RNF152: variants seen among roughly 807,000 people sequenced by gnomAD.
RNF152 encodes E3 ubiquitin-protein ligase RNF152.
Under a neutral mutation model 12.7 loss-of-function variants are expected in RNF152, and 11 were observed. The observed-to-expected ratio is 0.86, with a 90% CI of 0.54 to 1.43. RNF152 has a LOEUF of 1.43. Ranked by LOEUF, RNF152 falls within the 40% of genes most tolerant of loss-of-function variation. The probability of loss-of-function intolerance (pLI) is 0.00; values close to 1 mark genes in which losing one functional copy is unlikely to be tolerated. For missense variants in RNF152, 255 were observed against 274.8 expected (o/e 0.93, Z 0.51); for synonymous variants, 113 against 120.3 (o/e 0.94, Z 0.40).
chr18:61,885,280 C>T (rs1384940937), intron 1 of RNF152, among the ~76,000 whole-genome samples: 1 of 151,254 alleles, frequency 6.6e-6, no homozygotes, highest in Non-Finnish European at 1.5e-5. Flanking sequence ...CTTATCTCAG[C>T]CCTATTCACT....
rs1334577484 is a variant in RNF152, at chr18:61,814,307, A to G, written c.*1545T>C. On this transcript the variant is annotated 3_prime_UTR_variant, in exon 2 of 2. Coordinates refer to ENST00000312828, the MANE Select transcript of RNF152 (RefSeq NM_173557.3). ...AATTAGCCCTGCTTGTCTTTCCTTCACTTCCCCCCACCCTCCTCACCATTT... is the reference window on the plus strand; with the variant it reads ...AATTAGCCCTGCTTGTCTTTCCTTCGCTTCCCCCCACCCTCCTCACCATTT... The G allele has an allele frequency of 6.6e-6, 1 of 152,072 alleles. No individual in the cohort carries two copies. Among genetic ancestry groups the G allele is most frequent in the African/African-American group, 2.4e-5 (1 of 41,400 alleles). The allele number at this position is 152,072 out of a possible 1,614,324, so 9.4% of individuals were successfully genotyped here.
At chr18:61,846,551 G>A (rs145139502) in intron 1 of RNF152, among the ~76,000 whole-genome samples, 50 of 152,260 alleles carry the variant, frequency 3.3e-4, no homozygotes, top group African/African-American at 1.0e-3. Flanking sequence ...ATGCACATTC[G>A]TTGAGCACTT....
At chr18:61,817,235 A>C (rs1175878666) in intron 1 of RNF152, among the ~76,000 whole-genome samples, 1 of 152,254 alleles carries the variant, frequency 6.6e-6, no homozygotes, top group African/African-American at 2.4e-5. Flanking sequence ...AACCCCAAAC[A>C]GCAACAAAAC....
At chr18:61,867,656 T>G (rs1192854281) in intron 1 of RNF152, among the ~76,000 whole-genome samples, 1 of 152,152 alleles carries the variant, frequency 6.6e-6, no homozygotes, top group African/African-American at 2.4e-5. Flanking sequence ...GAACCGTATG[T>G]AAACCAGGCT....
At chr18:61,891,139 A>G (rs1045182169) in intron 1 of RNF152, among the ~76,000 whole-genome samples, 2 of 152,244 alleles carry the variant, frequency 1.3e-5, no homozygotes, top group African/African-American at 4.8e-5. Flanking sequence ...TGCTAAATGA[A>G]TAAATGAGCA....
At chr18:61,831,919 GT>G (rs368197318) in intron 1 of RNF152, among the ~76,000 whole-genome samples, 14,703 of 130,520 alleles carry the variant, frequency 0.11, 716 homozygotes, top group Middle Eastern at 0.13. Context: ...AGTATTATGT[GT>G]GTGGGGGGGT....
chr18:61,820,674 T>C (rs187053972), intron 1 of RNF152, among the ~76,000 whole-genome samples: 27 of 152,260 alleles, frequency 1.8e-4, no homozygotes, highest in African/African-American at 6.5e-4. Context: ...CAATTGCAAA[T>C]GAGGCTGGGG....
At chr18:61,823,941 G>A (rs555839197) in intron 1 of RNF152, among the ~76,000 whole-genome samples, 14 of 152,326 alleles carry the variant, frequency 9.2e-5, no homozygotes, top group South Asian at 4.1e-4. Flanking sequence ...CAATTCTGTC[G>A]CTACAAAACT....
chr18:61,826,840 C>T (rs1375249042), intron 1 of RNF152, among the ~76,000 whole-genome samples: 3 of 152,166 alleles, frequency 2.0e-5, no homozygotes, highest in African/African-American at 7.2e-5. Context: ...AGAATGCAAA[C>T]TGTTTTCAAA....
rs200335990 is a variant in RNF152 at position 61,816,447 on chromosome 18, T to C, written c.17A>G (p.Gln6Arg). The C allele has an allele frequency of 1.7e-5, 27 of 1,604,182 alleles. No individual in the cohort carries two copies. Among genetic ancestry groups the C allele is most frequent in the Non-Finnish European group, 2.3e-5 (27 of 1,172,746 alleles). METLS[Q>R]DSLLECQICF... ...GATCTGACATTCCAGCAGAGAGTCCTGGGACAGCGTCTCCATGGTGGACCG... is the reference window on the plus strand; with the variant it reads ...GATCTGACATTCCAGCAGAGAGTCCCGGGACAGCGTCTCCATGGTGGACCG... Residue 6 changes from glutamine (Q) to arginine (R), a missense_variant, in exon 2 of 2, where the codon CAG (glutamine) becomes CGG (arginine). Physicochemically the swap from Gln to Arg is conservative, Grantham distance 43. Transcript: ENST00000312828.
intron 1 of RNF152, among the ~76,000 whole-genome samples, chr18:61,872,990 CAA>C (rs1198480239): frequency 3.9e-5 from 6 of 152,064 alleles, no homozygotes; most frequent in Admixed American, 1.3e-4. Flanking sequence ...TAACTTACTG[CAA>C]AATTTTGAAA....
chr18:61,870,654 G>A (rs1911948728), intron 1 of RNF152, among the ~76,000 whole-genome samples: 1 of 152,104 alleles, frequency 6.6e-6, no homozygotes, highest in Non-Finnish European at 1.5e-5. Flanking sequence ...GTTCTTTCAA[G>A]GTTAACCAAG....
chr18:61,830,122 A>G (rs1431885828), intron 1 of RNF152, among the ~76,000 whole-genome samples: 1 of 151,004 alleles, frequency 6.6e-6, no homozygotes, highest in African/African-American at 2.4e-5. Context: ...CACGGGTTCC[A>G]GGGATTCTCC....
At chr18:61,890,470 T>G (rs899461396) in intron 1 of RNF152, 2 of 152,242 alleles carry the variant, frequency 1.3e-5, no homozygotes, top group African/African-American at 2.4e-5. Flanking sequence ...TCCATCAGTT[T>G]GAGTCCTTGA....
chr18:61,891,998 C>T (rs532626468), intron 1 of RNF152, among the ~76,000 whole-genome samples: 2 of 152,324 alleles, frequency 1.3e-5, no homozygotes, highest in African/African-American at 4.8e-5. Flanking sequence ...ATGCTAATGC[C>T]GGAGTGTCCT....
rs148012807 is a variant in RNF152 at position 61,889,096 on chromosome 18, T to C, written c.-136+3699A>G. ...GGGTTTTTGGATGGTCTATATCTGG[T>C]TCTTCCTGCTGGTCTCCAAGCTGCT... On this transcript the variant is annotated intron_variant, in intron 1 of 1. Transcript: ENST00000312828. 3.4e-3 allele frequency among the ~76,000 whole-genome samples: 514 copies of C among 152,288 alleles called. 2 individuals are homozygous for C. Among genetic ancestry groups the C allele is most frequent in the Non-Finnish European group, 6.0e-3 (409 of 68,026 alleles).
intron 1 of RNF152, among the ~76,000 whole-genome samples, chr18:61,868,267 C>G (rs755065590): frequency 1.3e-5 from 2 of 152,218 alleles, no homozygotes; most frequent in Non-Finnish European, 2.9e-5. Context: ...CCCAATATTT[C>G]TCTTTTCCTC....
intron 1 of RNF152, among the ~76,000 whole-genome samples, chr18:61,868,451 G>A (rs1446147844): frequency 6.6e-6 from 1 of 152,152 alleles, no homozygotes; most frequent in African/African-American, 2.4e-5. Flanking sequence ...GCTCGTGCCT[G>A]TAATCCCAGC....
At chr18:61,887,147 T>G (rs1213252688) in intron 1 of RNF152, among the ~76,000 whole-genome samples, 1 of 152,146 alleles carries the variant, frequency 6.6e-6, no homozygotes, top group East Asian at 1.9e-4. Flanking sequence ...GGAAAGGAAG[T>G]TTGGGGTCAA....
Sources: allele counts gnomAD v4.1 joint callset (sites outside exome capture counted in the v4.1 genomes callset), GRCh38; gene constraint gnomAD v4.1.1; transcripts MANE v1.5; gene names NCBI Gene and HGNC (gene_info 2026-07-23, HGNC 2026-07-21).